The following FBXO32 variants were observed in gnomAD, a reference collection of about 807,000 sequenced individuals.
FBXO32 encodes F-box only protein 32.
FBXO32 carries 15 observed loss-of-function variants against 48.3 expected under a neutral mutation model. The observed-to-expected ratio is 0.31, with a 90% confidence interval of 0.21 to 0.48. The LOEUF (loss-of-function observed/expected upper bound fraction) is 0.48, where lower values mean the gene tolerates loss of function less well. Among genes scored for constraint, FBXO32 ranks in the 20% least tolerant of loss-of-function variants. The pLI is 0.99. For synonymous variants in FBXO32, 154 were observed against 165.9 expected, an observed-to-expected ratio of 0.93 and a Z score of 0.55; for missense variants, 309 against 432.7, an observed-to-expected ratio of 0.71 and a Z score of 2.54.
Position 123,506,547 on chromosome 8 carries a change from C to G in FBXO32, c.679G>C (p.Asp227His), listed in dbSNP as rs1219005767. Reference sequence around the variant, plus strand: ...TTCAGTTGTAGGCACAAAGGCAGGTCAGTGAAGGTGAGGCCTTTGAAGGCA... The same window carrying G: ...TTCAGTTGTAGGCACAAAGGCAGGTGAGTGAAGGTGAGGCCTTTGAAGGCA... ...RPAFKGLTFT[D>H]LPLCLQLNIM... The change falls in exon 7 of 9, where the codon GAC (aspartate) becomes CAC (histidine). Residue 227 changes from aspartate (D) to histidine (H), a missense_variant. Asp to His is a moderately conservative substitution (Grantham distance 81, BLOSUM62 -1). Transcript: ENST00000517956. The surrounding 1 kb of genome is among the most constrained non-coding windows in gnomAD (Gnocchi z 4.0). The G allele has an allele frequency of 6.2e-7, 1 of 1,604,354 alleles. No individual in the cohort carries two copies. Among genetic ancestry groups the G allele is most frequent in the South Asian group, 1.1e-5 (1 of 90,462 alleles).
rs542929449 is a variant in FBXO32 at position 123,525,301 on chromosome 8, A to T, written c.372+6597T>A. 6.6e-6 allele frequency among the ~76,000 whole-genome samples: 1 copy of T among 152,346 alleles called. No homozygotes were observed. The highest frequency in any genetic ancestry group is 2.4e-5 in the African/African-American group (1 of 41,582). On this transcript the variant is annotated intron_variant, in intron 4 of 8. Transcript: ENST00000517956. The surrounding 1 kb of genome is among the most constrained non-coding windows in gnomAD (Gnocchi z 4.3). ...GTGATGCTCTGCTGCAGAGGGACAA[A>T]GAAACTGGGGTTGCAAGCTTTTATT... is the stretch of plus-strand genomic sequence containing the variant.
chr8:123,529,264 G>A (rs532931869), intron 4 of FBXO32, among the ~76,000 whole-genome samples: 29 of 152,246 alleles, frequency 1.9e-4, no homozygotes, highest in Non-Finnish European at 3.1e-4. Flanking sequence ...TCTTAGATAC[G>A]TGTTCTCTGT....
In FBXO32 at chr8:123,502,627, G is replaced by A. The variant is rs1816520593; in HGVS notation, c.*746C>T. 6.6e-6 allele frequency: 1 copy of A among 152,204 alleles called. No homozygotes were observed. The highest frequency in any genetic ancestry group is 1.5e-5 in the Non-Finnish European group (1 of 68,050). The allele number at this position is 152,204 out of a possible 1,614,324, so 9.4% of individuals were successfully genotyped here. A position where few individuals can be genotyped will look rare whatever the true frequency, so the allele number is the denominator to read the frequency against. On this transcript the variant is annotated 3_prime_UTR_variant, in exon 9 of 9. Coordinates refer to ENST00000517956, the MANE Select transcript of FBXO32 (RefSeq NM_058229.4). ...ACATGTGCTTTTGGGTTGTTCTGGT[G>A]AACAGATAACTCTAAGGAGGGCCCT...
At position 123,513,865 on chromosome 8, in the gene FBXO32, G is replaced by A. The variant is rs113292610; in HGVS notation, c.466+375C>T. ...GAGTCAGTTGAACCAGAGACCTAAG[G>A]TTCCTTCTAGCTCGAATAGTCTACG... On this transcript the variant is annotated intron_variant, in intron 5 of 8. Coordinates refer to ENST00000517956, the MANE Select transcript of FBXO32 (RefSeq NM_058229.4). This position sits in a 1 kb window ranked among gnomAD's most constrained non-coding sequence, Gnocchi z 4.3. Among the ~76,000 whole-genome samples, 20 of 152,144 alleles carry A rather than the reference G, an allele frequency of 1.3e-4. No individual in the cohort carries two copies. The highest frequency in any genetic ancestry group is 4.8e-4 in the African/African-American group (20 of 41,430).
chr8:123,509,946 T>C (rs1191583388), intron 6 of FBXO32, among the ~76,000 whole-genome samples: 1 of 152,208 alleles, frequency 6.6e-6, no homozygotes, highest in Non-Finnish European at 1.5e-5. Context: ...CTTGTTCTAA[T>C]TGTTCTCATT....
At chr8:123,527,211 T>G (rs1371192090) in intron 4 of FBXO32, 1 of 152,162 alleles carries the variant, frequency 6.6e-6, no homozygotes, top group Non-Finnish European at 1.5e-5. Context: ...CAAGGTAGAG[T>G]CAGATCTATT....
intron 2 of FBXO32, among the ~76,000 whole-genome samples, chr8:123,533,825 A>G (rs1817256777): frequency 1.3e-5 from 2 of 151,932 alleles, no homozygotes; most frequent in Non-Finnish European, 2.9e-5. Flanking sequence ...AAATGAAATT[A>G]GGCTTTGACA....
At chr8:123,511,079 T>TG (rs1816725355) in intron 6 of FBXO32, among the ~76,000 whole-genome samples, 1 of 152,208 alleles carries the variant, frequency 6.6e-6, no homozygotes, top group Non-Finnish European at 1.5e-5. Flanking sequence ...GGGATCTCAT[T>TG]GGATTAAAGA....
rs74958173 is a variant in FBXO32 at position 123,524,433 on chromosome 8, C to T, written c.372+7465G>A. On this transcript the variant is annotated intron_variant, in intron 4 of 8. Transcript: ENST00000517956. ...CATTGAAGGGCCCACCCTGTACCCT[C>T]AAAGTTAATGACCCCAGTACCAAGA... Among the ~76,000 whole-genome samples, 1,388 of 152,326 alleles carry T rather than the reference C, an allele frequency of 9.1e-3. 23 individuals carry two copies. The highest frequency in any genetic ancestry group is 0.032 in the African/African-American group (1,325 of 41,578).
chr8:123,537,824 T>C (rs1396446712), intron 1 of FBXO32, among the ~76,000 whole-genome samples: 1 of 152,156 alleles, frequency 6.6e-6, no homozygotes, highest in Non-Finnish European at 1.5e-5. Context: ...GCCTCAGCCA[T>C]ACAGTAAAGT....
At chr8:123,521,514 A>C (rs898670856) in intron 4 of FBXO32, among the ~76,000 whole-genome samples, 2 of 152,234 alleles carry the variant, frequency 1.3e-5, no homozygotes, top group African/African-American at 4.8e-5. Flanking sequence ...AACACTTTCC[A>C]GAAGGGCAAG....
intron 2 of FBXO32, among the ~76,000 whole-genome samples, chr8:123,534,134 A>AAG: frequency 6.6e-6 from 1 of 151,766 alleles, no homozygotes; most frequent in Non-Finnish European, 1.5e-5. Context: ...AAAAAAAAAA[A>AAG]AACACCCCTA....
chr8:123,509,232 G>C (rs1168309605), intron 6 of FBXO32, among the ~76,000 whole-genome samples: 1 of 152,080 alleles, frequency 6.6e-6, no homozygotes, highest in Non-Finnish European at 1.5e-5. Context: ...ACAGAACTTT[G>C]GCAAAATAGA....
rs1220499010 is a variant in FBXO32, at chr8:123,533,346, A to G, written c.230-106T>C. 6.5e-6 allele frequency: 6 copies of G among 917,618 alleles called. No individual in the cohort carries two copies. In the East Asian group the frequency reaches 1.6e-4, roughly 24 times the overall value. 56.8% of individuals were successfully genotyped at this position (917,618 alleles called of 1,614,324 possible). A position where few individuals can be genotyped will look rare whatever the true frequency, so the allele number is the denominator to read the frequency against. On this transcript the variant is annotated intron_variant, in intron 2 of 8. Transcript: ENST00000517956. ...AGTTTTAAAAGTTTTGACAAAAAAGATAAGGAGTCTACTGACAACTGAAGA... is the reference window on the plus strand; with the variant it reads ...AGTTTTAAAAGTTTTGACAAAAAAGGTAAGGAGTCTACTGACAACTGAAGA...
chr8:123,510,325 G>T (rs1816709897), intron 6 of FBXO32, among the ~76,000 whole-genome samples: 1 of 152,186 alleles, frequency 6.6e-6, no homozygotes, highest in Non-Finnish European at 1.5e-5. Context: ...AAATCCTGCA[G>T]TTGGGGCCGG....
Position 123,534,702 on chromosome 8 carries a change from A to T in FBXO32, c.229T>A (p.Tyr77Asn). The T allele has an allele frequency of 6.2e-7, 1 of 1,602,178 alleles. No homozygotes were observed. The highest frequency in any genetic ancestry group is 1.1e-5 in the South Asian group (1 of 90,762). ...CTGAAGTTCAAAACAAATGGCTTAC[A>T]CTGAGTTTTGGTTTTGCTATTCAGC... ...DMLNSKTKTQ[Y>N]FHQEKWIYVH... is the part of the protein sequence containing the mutation. The change falls in exon 2 of 9, where the codon TAT (tyrosine) becomes AAT (asparagine). Residue 77 changes from tyrosine to asparagine, a missense_variant and splice_region_variant. Transcript: ENST00000517956.
At position 123,513,077 on chromosome 8, in the gene FBXO32, C is replaced by T; in HGVS notation, c.651+121G>A. The T allele has an allele frequency of 9.1e-7, 1 of 1,098,436 alleles. No individual in the cohort carries two copies. Among genetic ancestry groups the T allele is most frequent in the Non-Finnish European group, 1.3e-6 (1 of 766,618 alleles). The allele number at this position is 1,098,436 out of a possible 1,614,324, so 68.0% of individuals were successfully genotyped here. On this transcript the variant is annotated intron_variant, in intron 6 of 8. Transcript: ENST00000517956. This position sits in a 1 kb window ranked among gnomAD's most constrained non-coding sequence, Gnocchi z 4.3. Reference sequence around the variant, plus strand: ...GCCCACCCTCAGCACCAGAACAAAGCAGCAGATCAGAAAAGACCAGACTCT... The same window carrying T: ...GCCCACCCTCAGCACCAGAACAAAGTAGCAGATCAGAAAAGACCAGACTCT...
chr8:123,504,833 C>T (rs934293776), intron 7 of FBXO32, 86 bp from the exon 8 acceptor site: 1 of 1,321,968 alleles, frequency 7.6e-7, no homozygotes, highest in African/African-American at 1.5e-5. Flanking sequence ...AAGGTTTACT[C>T]TCACCCTTTC....
chr8:123,506,295 G>A lies in FBXO32; in HGVS notation c.834+97C>T, dbSNP rs1418081091. ...GTCAAACCAGGGAACCTGGAATAGG[G>A]GGAACCCAGACCTCAGGCTTGAGCA... On this transcript the variant is annotated intron_variant, in intron 7 of 8. Transcript: ENST00000517956. This position sits in a 1 kb window ranked among gnomAD's most constrained non-coding sequence, Gnocchi z 4.0. 5.2e-6 allele frequency: 7 copies of A among 1,346,078 alleles called. No individual in the cohort carries two copies. The highest frequency in any genetic ancestry group is 2.5e-5 in the South Asian group (2 of 78,646). 83.4% of individuals were successfully genotyped at this position (1,346,078 alleles called of 1,614,324 possible). A position where few individuals can be genotyped will look rare whatever the true frequency, so the allele number is the denominator to read the frequency against.
Sources: allele counts gnomAD v4.1 joint callset (sites outside exome capture counted in the v4.1 genomes callset), GRCh38; gene constraint gnomAD v4.1.1; non-coding constraint Gnocchi (gnomAD v3.1); transcripts MANE v1.5; gene names NCBI Gene and HGNC (gene_info 2026-07-23, HGNC 2026-07-21).